REXO4: variants seen among roughly 807,000 people sequenced by gnomAD.
The protein encoded by REXO4 is REX4 homolog, 3'-5' exonuclease.
In REXO4, 29 loss-of-function variants were observed where a neutral mutation model predicts 39.9. The observed-to-expected ratio is 0.73, with a 90% CI of 0.54 to 0.99. REXO4 has a LOEUF of 0.99. Among genes scored for constraint, REXO4 ranks in the 50% least tolerant of loss-of-function variants. REXO4 has a pLI of 0.00. For missense variants in REXO4, 524 were observed against 546.5 expected, an observed-to-expected ratio of 0.96 and a Z score of 0.41; for synonymous variants, 184 against 206.2, an observed-to-expected ratio of 0.89 and a Z score of 0.92.
In REXO4 at chr9:133,407,888, A is replaced by AG. The variant is rs781938579; in HGVS notation, c.1075-8dup. The AG allele has an allele frequency of 4.3e-6, 7 of 1,612,262 alleles. No homozygotes were observed. In the South Asian group the frequency reaches 7.7e-5, roughly 18 times the overall value. ...TCAGAGACGGCCTTCCACTCTGCAA[A>AG]GGGGGAAGAGGCGGGTGGGGGCCTC... On this transcript the variant is annotated splice_polypyrimidine_tract_variant and splice_region_variant and intron_variant, in intron 6 of 7. Transcript: ENST00000371942.
intron 1 of REXO4, chr9:133,415,769 T>G (rs1236479268): frequency 6.6e-6 from 1 of 152,240 alleles, no homozygotes; most frequent in East Asian, 1.9e-4. Context: ...TTATTTTGCT[T>G]TTCTTTCTTG....
At position 133,412,843 on chromosome 9, in the gene REXO4, C is replaced by T; in HGVS notation, c.651G>A (p.Arg217=). 1.2e-6 allele frequency: 2 copies of T among 1,614,128 alleles called. No homozygotes were observed. Among genetic ancestry groups the T allele is most frequent in the Non-Finnish European group, 8.5e-7 (1 of 1,180,044 alleles). The change falls in exon 3 of 8, where the codon AGG becomes AGA. Residue 217 remains arginine (R), a synonymous_variant. Coordinates refer to ENST00000371942, the MANE Select transcript of REXO4 (RefSeq NM_020385.4). ...TGCCCTCGCTCTGACCCAACTGTTTCCTCGCTATCTTGGCCGCCTCTGGAC... is the reference window on the plus strand; with the variant it reads ...TGCCCTCGCTCTGACCCAACTGTTTTCTCGCTATCTTGGCCGCCTCTGGAC... ...AIGPEAAKIA[R]KQLGQSEGSV... is the part of the protein sequence containing the mutation.
chr9:133,415,349 G>GA (rs1839517516), intron 1 of REXO4, among the ~76,000 whole-genome samples: 1 of 151,540 alleles, frequency 6.6e-6, no homozygotes, highest in Admixed American at 6.6e-5. Flanking sequence ...AGCTTATCTA[G>GA]AAAGAATTTT....
chr9:133,415,837 G>A (rs587661592), intron 1 of REXO4: 40 of 152,284 alleles, frequency 2.6e-4, no homozygotes, highest in African/African-American at 9.4e-4. Context: ...GGCTGCCCAC[G>A]GGAATTTGAC....
Position 133,406,691 on chromosome 9 carries a change from A to C in REXO4, c.*262T>G. On this transcript the variant is annotated 3_prime_UTR_variant, in exon 8 of 8. Coordinates refer to ENST00000371942, the MANE Select transcript of REXO4 (RefSeq NM_020385.4). ...CTGGCCCAGGGGGTCAGCAGTCGGT[A>C]AAGCGTGGCCAGGCGTGCCCATGGC... 2 of 494,520 alleles carry C rather than the reference A, an allele frequency of 4.0e-6. No homozygotes were observed. Among genetic ancestry groups the C allele is most frequent in the Non-Finnish European group, 3.7e-6 (1 of 272,904 alleles). The allele number at this position is 494,520 out of a possible 1,614,324, so 30.6% of individuals were successfully genotyped here.
rs1330360358 is a variant in REXO4 at position 133,411,211 on chromosome 9, C to A, written c.911-138G>T. ...TGCAATGCCACTACGGAGGGTGACT[C>A]GAAGCCACCACATCCACCCACCCCC... On this transcript the variant is annotated intron_variant, in intron 4 of 7. Coordinates refer to ENST00000371942, the MANE Select transcript of REXO4 (RefSeq NM_020385.4). The A allele has an allele frequency of 5.6e-6, 4 of 719,754 alleles. No homozygotes were observed. In the East Asian group the frequency reaches 1.1e-4, roughly 19 times the overall value. The allele number at this position is 719,754 out of a possible 1,614,324, so 44.6% of individuals were successfully genotyped here.
intron 2 of REXO4, 97 bp downstream of exon 2, chr9:133,414,568 G>A (rs782763892): frequency 9.7e-7 from 1 of 1,030,786 alleles, no homozygotes; most frequent in Non-Finnish European, 1.5e-6. Flanking sequence ...GTAAAGTGAT[G>A]GAGAGACTGC....
chr9:133,413,065 G>A (rs965223728), intron 2 of REXO4, 144 bp from the exon 3 acceptor site: 6 of 823,618 alleles, frequency 7.3e-6, no homozygotes, highest in Non-Finnish European at 1.1e-5. Context: ...CCCGACTGCT[G>A]GCCCTGCTGC....
rs782502304 is a variant in REXO4 at position 133,410,974 on chromosome 9, G to A, written c.999+11C>T. The A allele has an allele frequency of 6.2e-6, 10 of 1,610,780 alleles. No homozygotes were observed. The highest frequency in any genetic ancestry group is 8.5e-6 in the Non-Finnish European group (10 of 1,177,014). ...AGGGGCAGGCTGAGTCCCCAGGAGA[G>A]AGCCCAGTACCTTTAGGTCATTATG... is the stretch of plus-strand genomic sequence containing the variant. On this transcript the variant is annotated intron_variant, in intron 5 of 7. Coordinates refer to ENST00000371942, the MANE Select transcript of REXO4 (RefSeq NM_020385.4).
rs587772006 is a variant in REXO4 at position 133,406,516 on chromosome 9, A to G, written c.*437T>C. 5.5e-6 allele frequency: 1 copy of G among 182,806 alleles called. No individual in the cohort carries two copies. The highest frequency in any genetic ancestry group is 2.3e-5 in the African/African-American group (1 of 43,126). 11.3% of individuals were successfully genotyped at this position (182,806 alleles called of 1,614,324 possible). ...GCAGACACCTGGTCTGGGTCCCTCA[A>G]GCCCAGCAGAGCTTGTTATGTCCCC... is the stretch of plus-strand genomic sequence containing the variant. On this transcript the variant is annotated 3_prime_UTR_variant, in exon 8 of 8. Transcript: ENST00000371942.
intron 2 of REXO4, among the ~76,000 whole-genome samples, chr9:133,414,037 C>T (rs932292175): frequency 6.6e-6 from 1 of 152,244 alleles, no homozygotes; most frequent in Non-Finnish European, 1.5e-5. Context: ...CACTGACTCC[C>T]GGTCCACCCC....
rs373501821 is a variant in REXO4 at position 133,417,585 on chromosome 9, G to T, written c.225+35C>A. ...CCGTCGCGTTCTGCGGGAATGAGCT[G>T]CGCAGCGCTCCGCCCGGGCCCCCTC... On this transcript the variant is annotated intron_variant, in intron 1 of 7. Transcript: ENST00000371942. 6.2e-6 allele frequency: 10 copies of T among 1,602,112 alleles called. No individual in the cohort carries two copies. In the Admixed American group the frequency reaches 1.2e-4, roughly 19 times the overall value.
Position 133,406,972 on chromosome 9 carries a change from T to G in REXO4, c.1250A>C (p.His417Pro), listed in dbSNP as rs782404626. 6.2e-7 allele frequency: 1 copy of G among 1,612,006 alleles called. No individual in the cohort carries two copies. Among genetic ancestry groups the G allele is most frequent in the Non-Finnish European group, 8.5e-7 (1 of 1,179,974 alleles). Residue 417 changes from histidine to proline, a missense_variant, in exon 8 of 8, where the codon CAC becomes CCC. By Grantham distance (77) the His-to-Pro change is moderately conservative. Transcript: ENST00000371942. Reference sequence around the variant, plus strand: ...GGACTGCTAGGCGTCGTCACTGCAGTGGTCTGGAGCAGTCAGCAGGGGGCG... The same window carrying G: ...GGACTGCTAGGCGTCGTCACTGCAGGGGTCTGGAGCAGTCAGCAGGGGGCG... ...DRRPLLTAPD[H>P]CSDDA
rs184368170 is a variant in REXO4 at position 133,410,790 on chromosome 9, C to T, written c.999+195G>A. On this transcript the variant is annotated intron_variant, in intron 5 of 7. Transcript: ENST00000371942. ...ATGGGTACCCCAGTTTCGCTGGGGG[C>T]TCTCAAAACAAGAGCCTGGCATGGC... is the stretch of plus-strand genomic sequence containing the variant. Among the ~76,000 whole-genome samples the T allele has an allele frequency of 4.8e-3, 732 of 152,318 alleles. 1 individual carries two copies. Among genetic ancestry groups the T allele is most frequent in the Non-Finnish European group, 8.5e-3 (575 of 68,026 alleles).
At chr9:133,416,135 G>A (rs1839584596) in intron 1 of REXO4, among the ~76,000 whole-genome samples, 1 of 152,232 alleles carries the variant, frequency 6.6e-6, no homozygotes, top group African/African-American at 2.4e-5. Flanking sequence ...GAGGCCGAAG[G>A]AAGCTTCCCA....
chr9:133,411,130 G>C (rs1839191616), intron 4 of REXO4, 57 bp from the exon 5 acceptor site: 1 of 1,416,362 alleles, frequency 7.1e-7, no homozygotes, highest in African/African-American at 1.4e-5. Context: ...CCATCATTCT[G>C]TGAGGAGGCA....
chr9:133,414,681 G>A lies in REXO4; in HGVS notation c.556C>T (p.Pro186Ser), dbSNP rs1322545687. Residue 186 changes from proline (P) to serine (S), a missense_variant, in exon 2 of 8, where the codon CCA (proline) becomes TCA (serine). By Grantham distance (74) the Pro-to-Ser change is moderately conservative. Coordinates refer to ENST00000371942, the MANE Select transcript of REXO4 (RefSeq NM_020385.4). Reference sequence around the variant, plus strand: ...CATACTTACTCGGTGGGTGGGGCTGGGGCTGCCTCCTTAGCTTTCCGCTTC... The same window carrying A: ...CATACTTACTCGGTGGGTGGGGCTGAGGCTGCCTCCTTAGCTTTCCGCTTC... ...HKKRKAKEAA[P>S]APPTEEDIWF... is the part of the protein sequence containing the mutation. 2 of 1,613,754 alleles carry A rather than the reference G, an allele frequency of 1.2e-6. No individual in the cohort carries two copies. The highest frequency in any genetic ancestry group is 2.7e-5 in the African/African-American group (2 of 74,914).
At chr9:133,409,245 G>A (rs1839090388) in intron 5 of REXO4, among the ~76,000 whole-genome samples, 1 of 152,166 alleles carries the variant, frequency 6.6e-6, no homozygotes. Context: ...GGGATTACAG[G>A]TGTGAGCCAA....
At chr9:133,408,722 A>G in intron 6 of REXO4, 46 bp downstream of exon 6, 1 of 1,344,242 alleles carries the variant, frequency 7.4e-7, no homozygotes. Flanking sequence ...TGAAGTGACC[A>G]GCAAAACAGA....
Sources: gnomAD v4.1 joint callset for allele counts (sites outside exome capture counted in the v4.1 genomes callset) on GRCh38, gnomAD v4.1.1 for gene constraint, MANE v1.5 for transcripts, NCBI Gene and HGNC (gene_info 2026-07-23, HGNC 2026-07-21) for gene names.